The following OR2L13 variants were observed in gnomAD, a reference collection of about 807,000 sequenced individuals.
OR2L13 encodes olfactory receptor family 2 subfamily L member 13.
Under a neutral mutation model 15.3 loss-of-function variants are expected in OR2L13, and 14 were observed. The ratio of observed to expected loss-of-function variants is 0.91; its 90% confidence interval spans 0.60 to 1.43. OR2L13 has a LOEUF of 1.43. Among genes scored for constraint, OR2L13 ranks in the 40% most tolerant of loss-of-function variants. OR2L13 has a pLI of 0.00. For synonymous variants in OR2L13, 152 were observed against 142.9 expected, an observed-to-expected ratio of 1.06 and a Z score of -0.45; for missense variants, 367 against 387.9, an observed-to-expected ratio of 0.95 and a Z score of 0.45.
chr1:248,008,322 A>T, the OR2L13 span, among the ~76,000 whole-genome samples: 2,203 of 152,270 alleles, frequency 0.014, 56 homozygotes, highest in African/African-American at 0.049. Context: ...ATAATTTATC[A>T]TTCTTTGTCT....
the OR2L13 span, among the ~76,000 whole-genome samples, chr1:248,027,268 C>T: frequency 2.7e-3 from 406 of 152,248 alleles, 3 homozygotes; most frequent in African/African-American, 8.8e-3. Flanking sequence ...TTGTTCAGAC[C>T]GGTTGTCTGC....
the OR2L13 span, among the ~76,000 whole-genome samples, chr1:248,081,956 A>G: frequency 5.9e-5 from 9 of 152,228 alleles, no homozygotes; most frequent in South Asian, 1.9e-3. Flanking sequence ...AGACACTTAT[A>G]TTGAAGATAC....
the OR2L13 span, among the ~76,000 whole-genome samples, chr1:248,052,295 T>A: frequency 2.9e-4 from 44 of 152,296 alleles, no homozygotes; most frequent in Non-Finnish European, 4.9e-4. Context: ...CTCCACTGAG[T>A]GGACTTAGTT....
At chr1:247,984,486 A>G in the OR2L13 span, among the ~76,000 whole-genome samples, 1 of 152,164 alleles carries the variant, frequency 6.6e-6, no homozygotes, top group Non-Finnish European at 1.5e-5. Flanking sequence ...TAACTAAACT[A>G]CTAATATAAA....
chr1:248,022,383 G>T, the OR2L13 span: 4 of 1,614,160 alleles, frequency 2.5e-6, no homozygotes, highest in Non-Finnish European at 2.5e-6. Context: ...GATGATAACA[G>T]GATCTTGGAT....
At chr1:248,026,082 A>G in the OR2L13 span, among the ~76,000 whole-genome samples, 1 of 152,210 alleles carries the variant, frequency 6.6e-6, no homozygotes, top group Non-Finnish European at 1.5e-5. Flanking sequence ...CATGTACCCT[A>G]TAACTTAAAG....
chr1:248,015,906 G>C, the OR2L13 span, among the ~76,000 whole-genome samples: 1 of 152,004 alleles, frequency 6.6e-6, no homozygotes, highest in Non-Finnish European at 1.5e-5. Context: ...GAAAATATAG[G>C]GAAAATAAAT....
At chr1:248,072,939 C>T in the OR2L13 span, among the ~76,000 whole-genome samples, 1 of 152,156 alleles carries the variant, frequency 6.6e-6, no homozygotes, top group African/African-American at 2.4e-5. Context: ...GCATCTCACA[C>T]CAGTTAGAAT....
chr1:247,982,552 T>C, the OR2L13 span, among the ~76,000 whole-genome samples: 11 of 152,192 alleles, frequency 7.2e-5, no homozygotes, highest in Non-Finnish European at 1.5e-4. Flanking sequence ...AGAATTTTAA[T>C]TATTATGCTG....
At chr1:247,948,418 G>A in the OR2L13 span, among the ~76,000 whole-genome samples, 1 of 152,018 alleles carries the variant, frequency 6.6e-6, no homozygotes, top group Non-Finnish European at 1.5e-5. Flanking sequence ...TGTAATAGAG[G>A]TATCTTTCTT....
the OR2L13 span, among the ~76,000 whole-genome samples, chr1:248,033,493 G>A: frequency 3.1e-3 from 468 of 151,942 alleles, 3 homozygotes; most frequent in African/African-American, 0.011. Context: ...TTGGAATGTG[G>A]TGGTGTGATC....
chr1:248,094,974 G>C (rs1312579443), upstream of OR2L13, among the ~76,000 whole-genome samples: 2 of 152,158 alleles, frequency 1.3e-5, no homozygotes, highest in African/African-American at 4.8e-5. Flanking sequence ...TCTGATTCTG[G>C]GTAGCAGCTG....
At chr1:248,094,333 A>G (rs902177408), upstream of OR2L13, among the ~76,000 whole-genome samples, 5 of 152,244 alleles carry the variant, frequency 3.3e-5, 1 homozygote, top group Admixed American at 3.3e-4. Flanking sequence ...GAACAATATA[A>G]CCCCAAATAA....
the OR2L13 span, chr1:247,965,491 C>G: frequency 1.2e-6 from 2 of 1,613,542 alleles, no homozygotes; most frequent in Non-Finnish European, 8.5e-7. Flanking sequence ...TACAGTTGCT[C>G]TGACAGGAAA....
chr1:248,095,755 T>C (rs191632168), upstream of OR2L13, among the ~76,000 whole-genome samples: 616 of 151,070 alleles, frequency 4.1e-3, 8 homozygotes, highest in African/African-American at 0.014. Flanking sequence ...CACAGGCGCA[T>C]GCCACCACGC....
At chr1:248,076,424 A>C in the OR2L13 span, among the ~76,000 whole-genome samples, 2 of 152,150 alleles carry the variant, frequency 1.3e-5, no homozygotes, top group African/African-American at 4.8e-5. Flanking sequence ...TGAATGTATA[A>C]ATTACATTGG....
At chr1:248,072,872 A>G in the OR2L13 span, among the ~76,000 whole-genome samples, 2 of 152,240 alleles carry the variant, frequency 1.3e-5, no homozygotes, top group African/African-American at 4.8e-5. Context: ...AACACATGAA[A>G]AAATGCTCAC....
At chr1:248,010,580 A>C in the OR2L13 span, among the ~76,000 whole-genome samples, 5 of 151,920 alleles carry the variant, frequency 3.3e-5, no homozygotes, top group African/African-American at 1.2e-4. Context: ...GTAGGTCTCT[A>C]AGAACTTGCT....
the OR2L13 span, among the ~76,000 whole-genome samples, chr1:248,075,366 C>T: frequency 7.4e-4 from 112 of 152,202 alleles, no homozygotes; most frequent in Non-Finnish European, 1.5e-3. Flanking sequence ...GGGTATATAC[C>T]CAGTAATGGG....
Sources: allele counts gnomAD v4.1 joint callset (sites outside exome capture counted in the v4.1 genomes callset), GRCh38; gene constraint gnomAD v4.1.1; transcripts MANE v1.5; gene names NCBI Gene and HGNC (gene_info 2026-07-23, HGNC 2026-07-21).